Variants in KAZN observed in about 807,000 individuals in gnomAD.
KAZN encodes kazrin.
Under a neutral mutation model 87.4 loss-of-function variants are expected in KAZN, and 40 were observed. That is an observed-to-expected ratio of 0.46 (90% CI 0.36 to 0.60). KAZN has a LOEUF of 0.60. KAZN is among the 20% of genes least tolerant of loss of function. The pLI, the probability that KAZN is intolerant of heterozygous loss-of-function variation, is 0.00. For synonymous variants in KAZN, 466 were observed against 458.3 expected (o/e 1.02, Z -0.22); for missense variants, 898 against 1,073.9 (o/e 0.84, Z 2.29).
intron 2 of KAZN, among the ~76,000 whole-genome samples, chr1:14,383,747 T>C (rs938265587): frequency 6.6e-6 from 1 of 152,116 alleles, no homozygotes; most frequent in Non-Finnish European, 1.5e-5. Context: ...AGTCAGGTAC[T>C]GTGATGCCTC....
intron 1 of KAZN, among the ~76,000 whole-genome samples, chr1:13,910,582 GC>G (rs1639618266): frequency 6.6e-6 from 1 of 151,526 alleles, no homozygotes; most frequent in Non-Finnish European, 1.5e-5. Flanking sequence ...CTCCCCATTT[GC>G]CTTCTGCCCC....
At position 15,094,345 on chromosome 1, in the gene KAZN, T is replaced by G. The variant is rs888202187; in HGVS notation, c.1388T>G (p.Met463Arg). The change falls in exon 9 of 15, where the codon ATG becomes AGG. Residue 463 changes from methionine to arginine, a missense_variant. By Grantham distance (91) the Met-to-Arg change is moderately conservative. Coordinates refer to ENST00000376030, the MANE Select transcript of KAZN (RefSeq NM_201628.3). This position sits in a 1 kb window ranked among gnomAD's most constrained non-coding sequence, Gnocchi z 4.5. ...AWLEVVMAMP[M>R]YVKACTENVK... ...CTGGAGGTGGTGATGGCCATGCCTATGTACGTCAAGGCCTGCACGGAGAAC... is the reference window on the plus strand; with the variant it reads ...CTGGAGGTGGTGATGGCCATGCCTAGGTACGTCAAGGCCTGCACGGAGAAC... 1.9e-6 allele frequency: 3 copies of G among 1,613,872 alleles called. No individual in the cohort carries two copies. Among genetic ancestry groups the G allele is most frequent in the Non-Finnish European group, 2.5e-6 (3 of 1,179,832 alleles).
intron 1 of KAZN, among the ~76,000 whole-genome samples, chr1:13,914,962 A>G (rs1198207146): frequency 6.6e-6 from 1 of 152,090 alleles, no homozygotes; most frequent in East Asian, 2.0e-4. Context: ...TGAGCAGGGG[A>G]CCCAATTATA....
intron 2 of KAZN, among the ~76,000 whole-genome samples, chr1:14,355,346 C>CA (rs1474363174): frequency 2.0e-5 from 3 of 152,026 alleles, no homozygotes; most frequent in Admixed American, 2.0e-4. Flanking sequence ...ACAGTAATCA[C>CA]ACAAATAAAT....
intron 1 of KAZN, among the ~76,000 whole-genome samples, chr1:14,100,713 A>G (rs1352546058): frequency 6.6e-6 from 1 of 152,218 alleles, no homozygotes; most frequent in Non-Finnish European, 1.5e-5. Context: ...ACAGGTGTTC[A>G]GCCTAAATCA....
At position 14,912,235 on chromosome 1, in the gene KAZN, C is replaced by T. The variant is rs565047618; in HGVS notation, c.227-48449C>T. 4.4e-4 allele frequency among the ~76,000 whole-genome samples: 67 copies of T among 152,174 alleles called. 1 individual carries two copies. The South Asian group carries it at 0.013, about 30-fold the overall frequency. ...CAAGCATCCACATCTCCTGACTCCC[C>T]GTCCAGTGCTCCTTCTAATCTGCCA... On this transcript the variant is annotated intron_variant, in intron 1 of 14. Coordinates refer to ENST00000376030, the MANE Select transcript of KAZN (RefSeq NM_201628.3).
intron 1 of KAZN, among the ~76,000 whole-genome samples, chr1:14,659,495 A>G (rs1178326659): frequency 1.3e-5 from 2 of 152,250 alleles, no homozygotes; most frequent in African/African-American, 2.4e-5. Context: ...AAGTCCAAAG[A>G]GTTCCTTTTC....
chr1:14,189,543 C>T (rs1419428931), intron 2 of KAZN, among the ~76,000 whole-genome samples: 4 of 152,144 alleles, frequency 2.6e-5, no homozygotes, highest in African/African-American at 9.7e-5. Flanking sequence ...GTCCCTCATA[C>T]ATTGTGCACT....
At chr1:14,744,731 A>G (rs1428441851) in intron 1 of KAZN, among the ~76,000 whole-genome samples, 2 of 152,208 alleles carry the variant, frequency 1.3e-5, no homozygotes, top group South Asian at 2.1e-4. Context: ...GTCTCTTTAA[A>G]AATAAAAACA....
intron 1 of KAZN, among the ~76,000 whole-genome samples, chr1:14,833,885 TG>T (rs1333381674): frequency 6.6e-6 from 1 of 150,926 alleles, no homozygotes; most frequent in African/African-American, 2.5e-5. Flanking sequence ...TTTGCCAGAA[TG>T]TTGGTGTCTA....
At chr1:14,565,118 C>G (rs1004755072) in intron 2 of KAZN, among the ~76,000 whole-genome samples, 1 of 152,140 alleles carries the variant, frequency 6.6e-6, no homozygotes. Context: ...ATTACCCATA[C>G]AGTTGGAGAC....
At chr1:14,731,901 A>T (rs1359645421) in intron 1 of KAZN, among the ~76,000 whole-genome samples, 1 of 152,228 alleles carries the variant, frequency 6.6e-6, no homozygotes, top group Admixed American at 6.5e-5. Context: ...CCGTGAGATC[A>T]CATACGTCAG....
chr1:15,063,921 T>C (rs1353095619), intron 7 of KAZN, among the ~76,000 whole-genome samples: 2 of 152,140 alleles, frequency 1.3e-5, no homozygotes, highest in Non-Finnish European at 2.9e-5. Context: ...TTCTGGAGTC[T>C]CAGGTGGGCT....
At chr1:14,571,016 A>T (rs2148544889) in intron 2 of KAZN, among the ~76,000 whole-genome samples, 1 of 152,136 alleles carries the variant, frequency 6.6e-6, no homozygotes, top group Admixed American at 6.5e-5. Context: ...CTTCTTGACA[A>T]TTTTTTATAT....
chr1:14,020,556 C>G (rs1361275550), intron 1 of KAZN, among the ~76,000 whole-genome samples: 1 of 152,194 alleles, frequency 6.6e-6, no homozygotes, highest in Non-Finnish European at 1.5e-5. Flanking sequence ...GTTAAAGTGA[C>G]TAGCAAACTG....
intron 2 of KAZN, among the ~76,000 whole-genome samples, chr1:14,970,583 C>T (rs900989341): frequency 1.3e-5 from 2 of 152,352 alleles, no homozygotes; most frequent in East Asian, 1.9e-4. Flanking sequence ...CCTTGACCCT[C>T]TGTGAGTTGC....
chr1:14,818,522 G>A (rs574264767), intron 1 of KAZN, among the ~76,000 whole-genome samples: 10 of 152,350 alleles, frequency 6.6e-5, no homozygotes, highest in African/African-American at 1.9e-4. Context: ...CATGGATGTG[G>A]GGACAGCCCA....
At chr1:13,909,059 G>C (rs1290727590) in intron 1 of KAZN, among the ~76,000 whole-genome samples, 1 of 152,208 alleles carries the variant, frequency 6.6e-6, no homozygotes. Flanking sequence ...AAGTCGGTAG[G>C]TGCTTTCTTA....
chr1:14,740,632 A>C (rs1010736578), intron 1 of KAZN, among the ~76,000 whole-genome samples: 2 of 152,002 alleles, frequency 1.3e-5, no homozygotes, highest in Middle Eastern at 3.2e-3. Context: ...TTTGAGCCCC[A>C]CAGACCTCTC....
Sources: gnomAD v4.1 joint callset for allele counts (sites outside exome capture counted in the v4.1 genomes callset) on GRCh38, gnomAD v4.1.1 for gene constraint, Gnocchi (gnomAD v3.1) non-coding constraint, MANE v1.5 for transcripts, NCBI Gene and HGNC (gene_info 2026-07-23, HGNC 2026-07-21) for gene names.